ACAD10: variants seen among roughly 807,000 people sequenced by gnomAD.
The protein encoded by ACAD10 is ACAD-10.
A neutral mutation model predicts 116.8 loss-of-function variants in ACAD10; 112 were observed. The observed-to-expected ratio is 0.96, with a 90% CI of 0.82 to 1.12. ACAD10 has a LOEUF of 1.12. Ranked by LOEUF, ACAD10 falls within the 50% of genes most tolerant of loss-of-function variation. The probability of loss-of-function intolerance (pLI) is 0.00; values close to 1 mark genes in which losing one functional copy is unlikely to be tolerated. For missense variants in ACAD10, 1,259 were observed against 1,350.2 expected (o/e 0.93, Z 1.06); for synonymous variants, 486 against 510.6 (o/e 0.95, Z 0.65).
chr12:111,732,762 G>C (rs1593043188), intron 10 of ACAD10, among the ~76,000 whole-genome samples: 1 of 152,216 alleles, frequency 6.6e-6, no homozygotes, highest in African/African-American at 2.4e-5. Context: ...GAAGAACAGC[G>C]TGGAGTCCCG....
intron 16 of ACAD10, chr12:111,747,728 G>T: frequency 3.5e-6 from 4 of 1,133,594 alleles, no homozygotes; most frequent in Non-Finnish European, 4.4e-6. Flanking sequence ...TCGATCAGGT[G>T]TGTTACATCC....
intron 1 of ACAD10, among the ~76,000 whole-genome samples, chr12:111,689,270 A>G (rs996513665): frequency 1.3e-5 from 2 of 151,966 alleles, no homozygotes; most frequent in Admixed American, 1.3e-4. Flanking sequence ...ATATATATGT[A>G]TGTATACCTA....
chr12:111,706,942 C>T (rs1888528673), intron 4 of ACAD10, among the ~76,000 whole-genome samples: 1 of 146,412 alleles, frequency 6.8e-6, no homozygotes, highest in African/African-American at 2.5e-5. Flanking sequence ...CCTGGCACCA[C>T]CACCCCTGAA....
At chr12:111,723,332 ACCTC>A (rs1437455512) in intron 8 of ACAD10, among the ~76,000 whole-genome samples, 2 of 76,606 alleles carry the variant, frequency 2.6e-5, no homozygotes, top group Non-Finnish European at 5.1e-5. Context: ...TGACCCCCCC[ACCTC>A]CCTCCCAGAC....
At chr12:111,744,383 G>A (rs1035720223) in intron 12 of ACAD10, among the ~76,000 whole-genome samples, 1 of 152,174 alleles carries the variant, frequency 6.6e-6, no homozygotes, top group African/African-American at 2.4e-5. Context: ...TTGGACTCTG[G>A]CCCCCAGCCC....
intron 8 of ACAD10, among the ~76,000 whole-genome samples, chr12:111,724,865 A>G (rs1280559323): frequency 6.7e-6 from 1 of 148,856 alleles, no homozygotes; most frequent in African/African-American, 2.5e-5. Flanking sequence ...GTGGAAAGAG[A>G]GGGAGAGGGA....
Position 111,756,699 on chromosome 12 carries a change from C to T in ACAD10, c.*226C>T, listed in dbSNP as rs1232007287. On this transcript the variant is annotated 3_prime_UTR_variant, in exon 21 of 21. Transcript: ENST00000313698. ...CAGGAGGAGGGGATTTGCTGAGGGC[C>T]AAGGGGGTTCTGGGACAGAGTCTGG... is the stretch of plus-strand genomic sequence containing the variant. 4 of 756,360 alleles carry T rather than the reference C, an allele frequency of 5.3e-6. No individual in the cohort carries two copies. The highest frequency in any genetic ancestry group is 2.3e-4 in the Middle Eastern group (1 of 4,402). 46.9% of individuals were successfully genotyped at this position (756,360 alleles called of 1,614,324 possible). A position where few individuals can be genotyped will look rare whatever the true frequency, so the allele number is the denominator to read the frequency against.
intron 18 of ACAD10, among the ~76,000 whole-genome samples, chr12:111,751,615 C>T (rs1429826757): frequency 6.6e-6 from 1 of 152,042 alleles, no homozygotes; most frequent in Non-Finnish European, 1.5e-5. Flanking sequence ...CCTGTAATCC[C>T]AGCTACTTGG....
intron 8 of ACAD10, among the ~76,000 whole-genome samples, chr12:111,722,469 G>A (rs954791266): frequency 2.6e-5 from 4 of 151,958 alleles, no homozygotes; most frequent in African/African-American, 9.7e-5. Context: ...CAATAGTGGA[G>A]GGAAGGTCAG....
chr12:111,729,995 A>C, intron 10 of ACAD10, 39 bp downstream of exon 10: 2 of 1,602,932 alleles, frequency 1.2e-6, no homozygotes, highest in Non-Finnish European at 1.7e-6. Flanking sequence ...AATGACAGCA[A>C]GGATGCTCCA....
At chr12:111,689,755 G>T (rs1887983724) in intron 1 of ACAD10, among the ~76,000 whole-genome samples, 1 of 145,084 alleles carries the variant, frequency 6.9e-6, no homozygotes. Flanking sequence ...TCACTCTGTT[G>T]CCCAGGCTGG....
chr12:111,714,679 A>G (rs2135960235), intron 6 of ACAD10, among the ~76,000 whole-genome samples: 1 of 152,180 alleles, frequency 6.6e-6, no homozygotes, highest in Non-Finnish European at 1.5e-5. Flanking sequence ...AAAGAAAACA[A>G]AAAAGAAGAC....
intron 8 of ACAD10, among the ~76,000 whole-genome samples, chr12:111,723,244 T>C (rs2097878645): frequency 8.7e-6 from 1 of 114,468 alleles, no homozygotes; most frequent in African/African-American, 3.4e-5. Context: ...GCAGAGGGGC[T>C]CCTCACTTCC....
chr12:111,738,970 T>G (rs931468359), intron 12 of ACAD10, among the ~76,000 whole-genome samples: 2 of 143,302 alleles, frequency 1.4e-5, no homozygotes, highest in African/African-American at 5.3e-5. Context: ...GGAAAGCAAC[T>G]TATTATTCTG....
Position 111,744,626 on chromosome 12 carries a change from T to G in ACAD10, c.1715-17T>G, listed in dbSNP as rs1889835756. ...GTCGTGTGGGAGTAATCACTGTTTT[T>G]CTTTGATTCTGCTTAGGGCAAGCAA... is the stretch of plus-strand genomic sequence containing the variant. On this transcript the variant is annotated splice_polypyrimidine_tract_variant and intron_variant, in intron 12 of 20. Transcript: ENST00000313698. 1 of 1,599,102 alleles carries G rather than the reference T, an allele frequency of 6.3e-7. No homozygotes were observed. The highest frequency in any genetic ancestry group is 1.3e-5 in the African/African-American group (1 of 74,574).
At position 111,744,972 on chromosome 12, in the gene ACAD10, G is replaced by C. The variant is rs1889850494; in HGVS notation, c.2044G>C (p.Glu682Gln). The change falls in exon 13 of 21, where the codon GAG (glutamate) becomes CAG (glutamine). Residue 682 changes from glutamate to glutamine, a missense_variant. Transcript: ENST00000313698. ...CATGGAGCAACGTGTGTACCCTGCAGAGCCAGAGCTGCAGAGTCACCAGGC... is the reference window on the plus strand; with the variant it reads ...CATGGAGCAACGTGTGTACCCTGCACAGCCAGAGCTGCAGAGTCACCAGGC... ...HFMEQRVYPA[E>Q]PELQSHQASA... The C allele has an allele frequency of 6.2e-7, 1 of 1,614,110 alleles. No homozygotes were observed. Among genetic ancestry groups the C allele is most frequent in the Non-Finnish European group, 8.5e-7 (1 of 1,180,036 alleles).
intron 8 of ACAD10, among the ~76,000 whole-genome samples, chr12:111,722,369 C>T (rs12302800): frequency 0.028 from 4,184 of 150,614 alleles, 202 homozygotes; most frequent in African/African-American, 0.095. Flanking sequence ...CGGCCCTAAA[C>T]TATTTATTTA....
intron 13 of ACAD10, among the ~76,000 whole-genome samples, 195 bp from the exon 14 acceptor site, chr12:111,745,943 GTGATCC>G (rs1393559511): frequency 6.9e-6 from 1 of 145,250 alleles, no homozygotes; most frequent in African/African-American, 2.6e-5. Flanking sequence ...CTGGGCTCAT[GTGATCC>G]TCCCACTTCA....
At chr12:111,707,577 G>C (rs1031220418) in intron 4 of ACAD10, among the ~76,000 whole-genome samples, 1 of 152,168 alleles carries the variant, frequency 6.6e-6, no homozygotes, top group Admixed American at 6.5e-5. Context: ...CAGTGCAAAA[G>C]GGAACAGCTC....
Sources: gnomAD v4.1 joint callset for allele counts (sites outside exome capture counted in the v4.1 genomes callset) on GRCh38, gnomAD v4.1.1 for gene constraint, MANE v1.5 for transcripts, NCBI Gene and HGNC (gene_info 2026-07-23, HGNC 2026-07-21) for gene names.